BRINP3: variants seen among roughly 807,000 people sequenced by gnomAD.
BRINP3 encodes the protein BMP/retinoic acid-inducible neural-specific protein 3.
BRINP3 carries 19 observed loss-of-function variants against 71.0 expected under a neutral mutation model. The ratio of observed to expected loss-of-function variants is 0.27; its 90% CI spans 0.19 to 0.39. The LOEUF (loss-of-function observed/expected upper bound fraction) is 0.39, where lower values mean the gene tolerates loss of function less well. Among genes scored for constraint, BRINP3 ranks in the 10% least tolerant of loss-of-function variants. BRINP3 has a pLI of 1.00. For synonymous variants in BRINP3, 380 were observed against 337.7 expected (o/e 1.13, Z -1.37); for missense variants, 959 against 940.8 (o/e 1.02, Z -0.25).
chr1:190,186,646 T>C (rs1465370789), intron 6 of BRINP3, among the ~76,000 whole-genome samples: 1 of 152,092 alleles, frequency 6.6e-6, no homozygotes, highest in African/African-American at 2.4e-5. Context: ...ACAAACCCTA[T>C]TTATTTCACA....
chr1:190,385,034 G>A (rs1302233516), intron 2 of BRINP3, among the ~76,000 whole-genome samples: 1 of 151,912 alleles, frequency 6.6e-6, no homozygotes, highest in East Asian at 1.9e-4. Context: ...AGCTGAAACT[G>A]GATCCCTTCC....
intron 4 of BRINP3, among the ~76,000 whole-genome samples, chr1:190,257,359 A>AC (rs1660759833): frequency 6.6e-6 from 1 of 152,068 alleles, no homozygotes; most frequent in Non-Finnish European, 1.5e-5. Context: ...GGTCTTCTCT[A>AC]CACTGTTTAT....
chr1:190,283,786 C>A (rs1663219210), intron 2 of BRINP3, among the ~76,000 whole-genome samples: 1 of 151,200 alleles, frequency 6.6e-6, no homozygotes, highest in Admixed American at 6.6e-5. Flanking sequence ...TATTTTTATA[C>A]CATGATCAAA....
At chr1:190,165,104 G>C (rs1404269824) in intron 6 of BRINP3, among the ~76,000 whole-genome samples, 1 of 151,738 alleles carries the variant, frequency 6.6e-6, no homozygotes, top group East Asian at 1.9e-4. Flanking sequence ...ATACATAAAG[G>C]ATGATCACAG....
At chr1:190,151,870 C>G (rs1656422306) in intron 7 of BRINP3, among the ~76,000 whole-genome samples, 1 of 152,062 alleles carries the variant, frequency 6.6e-6, no homozygotes, top group Non-Finnish European at 1.5e-5. Flanking sequence ...AAAAGACAAG[C>G]CTAAAATCAA....
At chr1:190,426,004 C>T (rs1673678774) in intron 2 of BRINP3, among the ~76,000 whole-genome samples, 1 of 151,360 alleles carries the variant, frequency 6.6e-6, no homozygotes, top group Non-Finnish European at 1.5e-5. Flanking sequence ...GTCAGTATTG[C>T]AAAAAAAGTT....
intron 2 of BRINP3, among the ~76,000 whole-genome samples, chr1:190,375,347 A>G (rs1670117261): frequency 6.6e-6 from 1 of 151,932 alleles, no homozygotes; most frequent in African/African-American, 2.4e-5. Context: ...AGACAAGGCC[A>G]TGTCACTTAT....
chr1:190,155,879 G>A (rs1231548553), intron 7 of BRINP3, among the ~76,000 whole-genome samples: 2 of 151,988 alleles, frequency 1.3e-5, no homozygotes, highest in Non-Finnish European at 2.9e-5. Flanking sequence ...CCCCCAGCCA[G>A]GAAGAACTGT....
intron 6 of BRINP3, among the ~76,000 whole-genome samples, chr1:190,216,631 C>G (rs746521216): frequency 7.2e-5 from 11 of 151,808 alleles, no homozygotes; most frequent in Non-Finnish European, 1.5e-4. Flanking sequence ...CAAATATAAT[C>G]AAATATAAAA....
rs374060177 is a variant in BRINP3, at chr1:190,385,582, C to T, written c.236+69073G>A. On this transcript the variant is annotated intron_variant, in intron 2 of 7. Transcript: ENST00000367462. ...CAATCATTAAAAAGTCAGGAAACAA[C>T]AGGTGCTGGAGAGGATGTGAAGAAA... Among the ~76,000 whole-genome samples, 38 of 152,070 alleles carry T rather than the reference C, an allele frequency of 2.5e-4. No individual in the cohort carries two copies. The South Asian group carries it at 3.1e-3, about 12-fold the overall frequency.
chr1:190,291,331 T>C (rs1186809378), intron 2 of BRINP3, among the ~76,000 whole-genome samples: 1 of 151,938 alleles, frequency 6.6e-6, no homozygotes, highest in East Asian at 1.9e-4. Flanking sequence ...CATATATAGA[T>C]GCATTGGATT....
At chr1:190,358,822 T>G (rs2102101249) in intron 2 of BRINP3, among the ~76,000 whole-genome samples, 2 of 152,242 alleles carry the variant, frequency 1.3e-5, no homozygotes, top group Middle Eastern at 6.8e-3. Flanking sequence ...CATGGAATAC[T>G]ATGCAGCCAT....
intron 6 of BRINP3, among the ~76,000 whole-genome samples, chr1:190,201,967 C>T (rs542047496): frequency 1.9e-3 from 283 of 152,266 alleles, no homozygotes; most frequent in African/African-American, 6.7e-3. Flanking sequence ...ACCACAAAGT[C>T]CCTACTGAGG....
chr1:190,431,040 T>C (rs190917807), intron 2 of BRINP3, among the ~76,000 whole-genome samples: 398 of 152,210 alleles, frequency 2.6e-3, no homozygotes, highest in African/African-American at 8.9e-3. Flanking sequence ...TACTGGAAGG[T>C]CTCAGGAAAT....
At chr1:190,164,087 T>A (rs1413170766) in intron 6 of BRINP3, among the ~76,000 whole-genome samples, 2 of 152,130 alleles carry the variant, frequency 1.3e-5, no homozygotes, top group Non-Finnish European at 2.9e-5. Flanking sequence ...ACTGAAAATT[T>A]TGGGGATGTT....
chr1:190,222,273 A>T (rs1010687398), intron 6 of BRINP3, among the ~76,000 whole-genome samples: 1 of 152,166 alleles, frequency 6.6e-6, no homozygotes, highest in African/African-American at 2.4e-5. Flanking sequence ...AACCTTGGAA[A>T]ATACACAAAC....
chr1:190,393,751 G>A (rs1671401151), intron 2 of BRINP3, among the ~76,000 whole-genome samples: 1 of 151,380 alleles, frequency 6.6e-6, no homozygotes, highest in African/African-American at 2.4e-5. Context: ...GAAAAACCTG[G>A]AGTGCATGTA....
intron 7 of BRINP3, among the ~76,000 whole-genome samples, chr1:190,152,124 G>A (rs1656447617): frequency 6.6e-6 from 1 of 151,886 alleles, no homozygotes; most frequent in Non-Finnish European, 1.5e-5. Flanking sequence ...TTTAAAAAAG[G>A]AATGTATTTA....
chr1:190,379,775 G>A (rs1195103338), intron 2 of BRINP3, among the ~76,000 whole-genome samples: 8 of 151,992 alleles, frequency 5.3e-5, no homozygotes, highest in South Asian at 2.1e-4. Flanking sequence ...CGAGGCAGGC[G>A]GATCATGAGG....
Sources: allele counts gnomAD v4.1 joint callset (sites outside exome capture counted in the v4.1 genomes callset), GRCh38; gene constraint gnomAD v4.1.1; transcripts MANE v1.5; gene names NCBI Gene and HGNC (gene_info 2026-07-23, HGNC 2026-07-21).